The following AANAT variants were observed in gnomAD, a reference collection of about 807,000 sequenced individuals.
AANAT encodes serotonin N-acetyltransferase.
AANAT carries 11 observed loss-of-function variants against 15.6 expected under a neutral mutation model. The ratio of observed to expected loss-of-function variants is 0.71; its 90% CI spans 0.44 to 1.17. AANAT has a LOEUF of 1.17. Ranked by LOEUF, AANAT falls within the 50% of genes most tolerant of loss-of-function variation. The pLI is 0.00. For missense variants in AANAT, 286 were observed against 296.3 expected (o/e 0.97, Z 0.26); for synonymous variants, 139 against 131.5 (o/e 1.06, Z -0.39).
At chr17:76,456,111 C>T (rs898090593) in intron 1 of AANAT, among the ~76,000 whole-genome samples, 3 of 152,158 alleles carry the variant, frequency 2.0e-5, no homozygotes, top group African/African-American at 7.2e-5. Context: ...GCAGGCGGAT[C>T]ACTTGAGGTG....
upstream of AANAT, among the ~76,000 whole-genome samples, chr17:76,465,559 A>T (rs1324017711): frequency 2.7e-5 from 4 of 147,710 alleles, no homozygotes; most frequent in Non-Finnish European, 4.5e-5. Flanking sequence ...CTGGTCTCAA[A>T]CTCCTGGGCT....
At position 76,468,688 on chromosome 17, in the gene AANAT, C is replaced by G. The variant is rs775531712; in HGVS notation, c.-59C>G. ...CTCCAACAGGTGCTGGGAGGCCCTC[C>G]TTGGCTTAGGAGGACACTTCCAAAG... On this transcript the variant is annotated 5_prime_UTR_variant, in exon 2 of 4. Transcript: ENST00000392492. 6.4e-7 allele frequency: 1 copy of G among 1,560,826 alleles called. No individual in the cohort carries two copies. Among genetic ancestry groups the G allele is most frequent in the Non-Finnish European group, 8.6e-7 (1 of 1,156,666 alleles).
intron 2 of AANAT, among the ~76,000 whole-genome samples, chr17:76,459,977 C>T (rs9895687): frequency 1.3e-5 from 2 of 152,106 alleles, no homozygotes; most frequent in African/African-American, 4.8e-5. Context: ...TCATTGGACT[C>T]TTGGCTTTAT....
chr17:76,461,147 AGAGT>A (rs2073384540), intron 2 of AANAT, among the ~76,000 whole-genome samples: 1 of 151,980 alleles, frequency 6.6e-6, no homozygotes, highest in Non-Finnish European at 1.5e-5. Flanking sequence ...CCTGGGCGAC[AGAGT>A]GAGATTCCAT....
At chr17:76,463,889 T>C (rs2073412879), upstream of AANAT, among the ~76,000 whole-genome samples, 1 of 152,212 alleles carries the variant, frequency 6.6e-6, no homozygotes. Flanking sequence ...GCTCAATAAC[T>C]GTCGTCATCA....
At chr17:76,455,885 T>C (rs1358674120) in intron 1 of AANAT, among the ~76,000 whole-genome samples, 1 of 152,084 alleles carries the variant, frequency 6.6e-6, no homozygotes, top group Non-Finnish European at 1.5e-5. Flanking sequence ...TAGTGGCGCA[T>C]GCTTGTAGTC....
In AANAT at chr17:76,469,809, C is replaced by T. The variant is rs753124417; in HGVS notation, c.463C>T (p.Arg155Trp). 33 of 1,602,866 alleles carry T rather than the reference C, an allele frequency of 2.1e-5. No homozygotes were observed. Among genetic ancestry groups the T allele is most frequent in the Admixed American group, 1.7e-4 (10 of 58,862 alleles). Residue 155 changes from arginine (R) to tryptophan (W), a missense_variant, in exon 4 of 4, where the codon CGG (arginine) becomes TGG (tryptophan). Coordinates refer to ENST00000392492, the MANE Select transcript of AANAT (RefSeq NM_001088.3). This position sits in a 1 kb window ranked among gnomAD's most constrained non-coding sequence, Gnocchi z 5.2. ...CCTGGGCAGCCAGCCGGCCGTGCGCCGGGCCGCGCTCATGTGCGAGGACGC... is the reference window on the plus strand; with the variant it reads ...CCTGGGCAGCCAGCCGGCCGTGCGCTGGGCCGCGCTCATGTGCGAGGACGC... ...HHLGSQPAVRRAALMCEDALV... is the reference protein window; with the variant it reads ...HHLGSQPAVRWAALMCEDALV...
upstream of AANAT, chr17:76,466,110 G>C: frequency 7.1e-7 from 1 of 1,415,348 alleles, no homozygotes; most frequent in Non-Finnish European, 9.6e-7. Context: ...GAGGCCGATT[G>C]AACAGCAGGC....
At chr17:76,463,984 A>G (rs1195805061), upstream of AANAT, among the ~76,000 whole-genome samples, 1 of 152,120 alleles carries the variant, frequency 6.6e-6, no homozygotes, top group Non-Finnish European at 1.5e-5. Flanking sequence ...GGAGTTAGGT[A>G]GCATGGTCCC....
At chr17:76,459,048 G>A (rs1484775013) in intron 1 of AANAT, among the ~76,000 whole-genome samples, 1 of 152,208 alleles carries the variant, frequency 6.6e-6, no homozygotes, top group Non-Finnish European at 1.5e-5. Context: ...GAAAACTGTG[G>A]GACTTGCCCA....
In AANAT at chr17:76,469,150, C is replaced by T. The variant is rs1376106366; in HGVS notation, c.164-23C>T. ...CGCGAGGCACAGCGACTACCAGTCA[C>T]CCACCTGAGCCTCCTGCCACAGCCT... On this transcript the variant is annotated intron_variant, in intron 2 of 3. Transcript: ENST00000392492. This position sits in a 1 kb window ranked among gnomAD's most constrained non-coding sequence, Gnocchi z 5.2. The T allele has an allele frequency of 1.7e-5, 28 of 1,613,294 alleles. No individual in the cohort carries two copies. The highest frequency in any genetic ancestry group is 2.2e-5 in the Non-Finnish European group (26 of 1,179,712).
chr17:76,454,258 C>T (rs914807862), intron 1 of AANAT, among the ~76,000 whole-genome samples: 2 of 151,366 alleles, frequency 1.3e-5, no homozygotes, highest in African/African-American at 2.4e-5. Context: ...GGGCGGATCA[C>T]GAGGTCAAGA....
chr17:76,470,042 T>G lies in AANAT; in HGVS notation c.*72T>G. On this transcript the variant is annotated 3_prime_UTR_variant, in exon 4 of 4. Transcript: ENST00000392492. Reference sequence around the variant, plus strand: ...GGGCTCCTCTTAGCTCAGCTGAGCATGGAGACAGCAGTTTCCAGAGAGTGG... The same window carrying G: ...GGGCTCCTCTTAGCTCAGCTGAGCAGGGAGACAGCAGTTTCCAGAGAGTGG... 5 of 1,386,224 alleles carry G rather than the reference T, an allele frequency of 3.6e-6. No individual in the cohort carries two copies. The South Asian group carries it at 7.7e-5, about 21-fold the overall frequency. 85.9% of individuals were successfully genotyped at this position (1,386,224 alleles called of 1,614,324 possible). A position where few individuals can be genotyped will look rare whatever the true frequency, so the allele number is the denominator to read the frequency against.
intron 1 of AANAT, among the ~76,000 whole-genome samples, chr17:76,456,736 A>T (rs138532264): frequency 1.3e-5 from 2 of 152,304 alleles, no homozygotes; most frequent in East Asian, 3.9e-4. Flanking sequence ...CCCTGATAAC[A>T]TAGCATTTAT....
intron 1 of AANAT, among the ~76,000 whole-genome samples, chr17:76,455,622 C>A (rs1305583268): frequency 1.0e-5 from 1 of 100,194 alleles, no homozygotes; most frequent in Non-Finnish European, 2.5e-5. Context: ...CAACGAAAGA[C>A]TAGTAAGTTG....
chr17:76,467,430 T>C (rs1197403645), upstream of AANAT: 12 of 565,976 alleles, frequency 2.1e-5, no homozygotes, highest in Non-Finnish European at 2.7e-5. Flanking sequence ...CCCTGGGGCC[T>C]CAGTCAGCCT....
intron 2 of AANAT, among the ~76,000 whole-genome samples, chr17:76,460,213 A>G (rs919806326): frequency 2.3e-5 from 3 of 131,518 alleles, no homozygotes; most frequent in African/African-American, 9.1e-5. Flanking sequence ...TCCTGGCAGG[A>G]CCTCGACTCA....
At chr17:76,460,066 C>T (rs1265927014) in intron 2 of AANAT, among the ~76,000 whole-genome samples, 1 of 151,950 alleles carries the variant, frequency 6.6e-6, no homozygotes, top group Non-Finnish European at 1.5e-5. Context: ...TTCCAACCCC[C>T]CTTCCCCCTC....
At chr17:76,468,636 A>G (rs748625205) in intron 1 of AANAT, 36 bp from the exon 2 acceptor site, 37 of 1,505,100 alleles carry the variant, frequency 2.5e-5, no homozygotes, top group Middle Eastern at 1.7e-4. Flanking sequence ...CCTGGAGATG[A>G]GGATGAGACC....
Sources: allele counts gnomAD v4.1 joint callset (sites outside exome capture counted in the v4.1 genomes callset), GRCh38; gene constraint gnomAD v4.1.1; non-coding constraint Gnocchi (gnomAD v3.1); transcripts MANE v1.5; gene names NCBI Gene and HGNC (gene_info 2026-07-23, HGNC 2026-07-21).